Variants in PADI6 observed in about 807,000 individuals in gnomAD.
PADI6 encodes the protein inactive protein-arginine deiminase type-6.
Under a neutral mutation model 78.2 loss-of-function variants are expected in PADI6, and 66 were observed. The ratio of observed to expected loss-of-function variants is 0.84; its 90% CI spans 0.69 to 1.04. The LOEUF (loss-of-function observed/expected upper bound fraction) is 1.04. PADI6 is among the 50% of genes least tolerant of loss of function. The pLI is 0.00. For missense variants in PADI6, 854 were observed against 866.1 expected, an observed-to-expected ratio of 0.99 and a Z score of 0.18; for synonymous variants, 397 against 346.9, an observed-to-expected ratio of 1.14 and a Z score of -1.60.
intron 14 of PADI6, 38 bp from the exon 15 acceptor site, chr1:17,398,648 T>TCCCCCACCCC: frequency 5.2e-6 from 1 of 193,328 alleles, no homozygotes; most frequent in Non-Finnish European, 9.0e-6. Flanking sequence ...CTCTCCTTGC[T>TCCCCCACCCC]CCCCCGCCCC....
chr1:17,379,958 G>A lies in PADI6; in HGVS notation c.406G>A (p.Val136Ile). Residue 136 changes from valine (V) to isoleucine (I), a missense_variant, in exon 4 of 16, where the codon GTT becomes ATT. Transcript: ENST00000619609. ...LEVDIYRNGQ[V>I]EMSSDKQAKK... ...GGTAGACATCTACCGCAATGGGCAA[G>A]TTGAGATGTCAAGTGACAAACAGGC... 6.2e-7 allele frequency: 1 copy of A among 1,613,612 alleles called. No homozygotes were observed. The highest frequency in any genetic ancestry group is 8.5e-7 in the Non-Finnish European group (1 of 1,179,624).
Position 17,388,459 on chromosome 1 carries a change from TGAA to T in PADI6, c.760_762del (p.Lys254del), listed in dbSNP as rs768499692. ...ACCTTGGCCCTCCTCGGGAACCACT[TGAA>T]GGAGACTTTCTACGTTGAAGCTATA... On this transcript the variant is annotated inframe_deletion, in exon 7 of 16. Transcript: ENST00000619609. 6 of 1,613,680 alleles carry T rather than the reference TGAA, an allele frequency of 3.7e-6. No individual in the cohort carries two copies. The highest frequency in any genetic ancestry group is 3.4e-6 in the Non-Finnish European group (4 of 1,179,776).
Position 17,398,845 on chromosome 1 carries a change from C to G in PADI6, c.1849C>G (p.Leu617Val), listed in dbSNP as rs747354730. The G allele has an allele frequency of 6.2e-7, 1 of 1,613,248 alleles. No individual in the cohort carries two copies. Among genetic ancestry groups the G allele is most frequent in the South Asian group, 1.1e-5 (1 of 91,026 alleles). ...RSFARPYFPD[L>V]LRMIVMGKNL... is the part of the protein sequence containing the mutation. ...CTTTGCGAGGCCATACTTCCCTGAC[C>G]TGGTGAGGGGCGACTGCGCATCCCT... The change falls in exon 15 of 16, where the codon CTG (leucine) becomes GTG (valine). Residue 617 changes from leucine to valine, a missense_variant and splice_region_variant. Coordinates refer to ENST00000619609, the MANE Select transcript of PADI6 (RefSeq NM_207421.4).
At chr1:17,380,070 G>A (rs960065493) in intron 4 of PADI6, 83 bp downstream of exon 4, 26 of 1,381,000 alleles carry the variant, frequency 1.9e-5, no homozygotes, top group Middle Eastern at 2.1e-4. Flanking sequence ...GACCTTCCTC[G>A]TGTCTAGCCC....
rs1445019917 is a variant in PADI6, at chr1:17,380,714, AC to A, written c.436-330del. On this transcript the variant is annotated intron_variant, in intron 4 of 15. Transcript: ENST00000619609. ...TCTGGCAACTCTAGGCTCATGTCCT[AC>A]CCTGGTTGTGGAGTCTCCTAGATGA... Among the ~76,000 whole-genome samples, 24 of 152,112 alleles carry A rather than the reference AC, an allele frequency of 1.6e-4. No individual in the cohort carries two copies. In the South Asian group the frequency reaches 2.3e-3, roughly 14 times the overall value.
chr1:17,385,423 G>A (rs2075110367), intron 6 of PADI6, among the ~76,000 whole-genome samples: 1 of 152,162 alleles, frequency 6.6e-6, no homozygotes, highest in Non-Finnish European at 1.5e-5. Context: ...AGGGTCAAAG[G>A]GAAGTGTGAG....
chr1:17,391,267 T>A (rs1051341032), intron 8 of PADI6, among the ~76,000 whole-genome samples: 11 of 152,178 alleles, frequency 7.2e-5, no homozygotes, highest in African/African-American at 2.7e-4. Context: ...TTGCCCAGAC[T>A]GGAGTGTAGT....
At chr1:17,393,002 C>G (rs190342153) in intron 9 of PADI6, among the ~76,000 whole-genome samples, 1 of 152,026 alleles carries the variant, frequency 6.6e-6, no homozygotes, top group African/African-American at 2.4e-5. Context: ...AAAAATCAGC[C>G]GGGCATGGTG....
In PADI6 at chr1:17,379,111, A is replaced by ATTTTTTTTTTTTTT. The variant is rs144547124; in HGVS notation, c.368-801_368-788dup. On this transcript the variant is annotated intron_variant, in intron 3 of 15. Coordinates refer to ENST00000619609, the MANE Select transcript of PADI6 (RefSeq NM_207421.4). Reference sequence around the variant, plus strand: ...AGGTACCCTCCACCATGCCCAGTTAATTTTTTTTTTTTTTTTTTTTTAAGA... The same window carrying ATTTTTTTTTTTTTT: ...AGGTACCCTCCACCATGCCCAGTTAATTTTTTTTTTTTTTTTTTTTTTTTTTTTTTTTTTTAAGA... Among the ~76,000 whole-genome samples, 3 of 100,810 alleles carry ATTTTTTTTTTTTTT rather than the reference A, an allele frequency of 3.0e-5. 1 individual carries two copies. The highest frequency in any genetic ancestry group is 1.2e-4 in the African/African-American group (2 of 17,328). 66.1% of individuals were successfully genotyped at this position (100,810 alleles called of 152,430 possible). A position where few individuals can be genotyped will look rare whatever the true frequency, so the allele number is the denominator to read the frequency against.
At position 17,372,442 on chromosome 1, in the gene PADI6, TG is replaced by T. The variant is rs1256099586; in HGVS notation, c.116+86del. The T allele has an allele frequency of 2.3e-6, 3 of 1,305,766 alleles. No individual in the cohort carries two copies. In the African/African-American group the frequency reaches 4.3e-5, roughly 19 times the overall value. The allele number at this position is 1,305,766 out of a possible 1,614,324, so 80.9% of individuals were successfully genotyped here. A position where few individuals can be genotyped will look rare whatever the true frequency, so the allele number is the denominator to read the frequency against. On this transcript the variant is annotated intron_variant, in intron 1 of 15. Transcript: ENST00000619609. ...GACCCAGTCCCCTTGATCTGGGAGT[TG>T]GGGGTTACTTCTCTAGCCTCACTAT...
chr1:17,395,930 G>A (rs1244931987), intron 13 of PADI6, among the ~76,000 whole-genome samples: 1 of 152,212 alleles, frequency 6.6e-6, no homozygotes, highest in Non-Finnish European at 1.5e-5. Flanking sequence ...CAAGTGGGGG[G>A]AAAACGGGTG....
intron 6 of PADI6, among the ~76,000 whole-genome samples, chr1:17,385,324 G>T (rs2075109475): frequency 6.6e-6 from 1 of 152,174 alleles, no homozygotes; most frequent in African/African-American, 2.4e-5. Context: ...CCAGAATGGA[G>T]GTTTTCCAGG....
At chr1:17,397,616 C>T (rs12132237) in intron 14 of PADI6, among the ~76,000 whole-genome samples, 57,348 of 152,052 alleles carry the variant, frequency 0.38, 10,979 homozygotes, top group African/African-American at 0.41. Context: ...AGCTGAGAGC[C>T]AATGATGGCC....
intron 13 of PADI6, 133 bp from the exon 14 acceptor site, chr1:17,396,938 T>C (rs2075252545): frequency 1.3e-6 from 1 of 765,780 alleles, no homozygotes; most frequent in East Asian, 2.7e-5. Context: ...TCCCTGGAGA[T>C]AGGCCAGTCC....
intron 6 of PADI6, among the ~76,000 whole-genome samples, chr1:17,383,279 A>T (rs922683649): frequency 7.9e-5 from 12 of 152,102 alleles, no homozygotes; most frequent in African/African-American, 2.7e-4. Flanking sequence ...CAGACCATAG[A>T]TCTCAGCTGG....
At chr1:17,392,838 G>A (rs74058828) in intron 9 of PADI6, among the ~76,000 whole-genome samples, 6,314 of 152,110 alleles carry the variant, frequency 0.042, 150 homozygotes, top group African/African-American at 0.053. Context: ...GCAGAGATTT[G>A]GGGCAGGGGT....
At chr1:17,398,392 C>T (rs908367169) in intron 14 of PADI6, among the ~76,000 whole-genome samples, 1 of 152,080 alleles carries the variant, frequency 6.6e-6, no homozygotes. Context: ...TAGGGAGATG[C>T]CTGGGTATTG....
intron 10 of PADI6, 92 bp from the exon 11 acceptor site, chr1:17,394,208 A>G: frequency 6.4e-7 from 1 of 1,564,654 alleles, no homozygotes; most frequent in South Asian, 1.1e-5. Context: ...GGGGACGTGG[A>G]AGTCTACCTG....
intron 8 of PADI6, 53 bp downstream of exon 8, chr1:17,388,933 C>T (rs2075155099): frequency 4.2e-6 from 6 of 1,417,790 alleles, no homozygotes; most frequent in Non-Finnish European, 5.9e-6. Flanking sequence ...CTGGCACCCT[C>T]TTCTTTCTAT....
Sources: allele counts gnomAD v4.1 joint callset (sites outside exome capture counted in the v4.1 genomes callset), GRCh38; gene constraint gnomAD v4.1.1; transcripts MANE v1.5; gene names NCBI Gene and HGNC (gene_info 2026-07-23, HGNC 2026-07-21).